The following QPCT variants were observed in gnomAD, a reference collection of about 807,000 sequenced individuals.
QPCT encodes the protein EC.
A neutral mutation model predicts 43.4 loss-of-function variants in QPCT; 44 were observed. The ratio of observed to expected loss-of-function variants is 1.01; its 90% CI spans 0.80 to 1.30. The LOEUF is 1.30. QPCT is among the 50% of genes most tolerant of loss of function. The pLI, the probability that QPCT is intolerant of heterozygous loss-of-function variation, is 0.00. For synonymous variants in QPCT, 168 were observed against 168.4 expected (o/e 1.00, Z 0.02); for missense variants, 526 against 436.5 (o/e 1.21, Z -1.83).
intron 3 of QPCT, among the ~76,000 whole-genome samples, chr2:37,364,644 G>A (rs1672919372): frequency 6.6e-6 from 1 of 152,188 alleles, no homozygotes; most frequent in South Asian, 2.1e-4. Flanking sequence ...GAAAGAGACA[G>A]ATCCCCACTG....
intron 2 of QPCT, among the ~76,000 whole-genome samples, chr2:37,357,911 A>G (rs1672782422): frequency 6.6e-6 from 1 of 151,950 alleles, no homozygotes; most frequent in Admixed American, 6.6e-5. Context: ...CCTCACATTC[A>G]TTTCCAGTTA....
At chr2:37,356,378 G>A (rs1355786854) in intron 2 of QPCT, among the ~76,000 whole-genome samples, 1 of 151,492 alleles carries the variant, frequency 6.6e-6, no homozygotes. Context: ...TTAAAACATA[G>A]ATGTATAGCA....
intron 1 of QPCT, among the ~76,000 whole-genome samples, chr2:37,348,447 GA>G (rs1455723723): frequency 6.6e-6 from 1 of 152,174 alleles, no homozygotes; most frequent in Non-Finnish European, 1.5e-5. Context: ...CACACAGAAG[GA>G]GTTCAGTAAC....
At chr2:37,355,545 T>C (rs575721341) in intron 2 of QPCT, among the ~76,000 whole-genome samples, 3 of 152,304 alleles carry the variant, frequency 2.0e-5, no homozygotes, top group Admixed American at 2.0e-4. Context: ...TAGTTACCAG[T>C]AAAGATGTGC....
chr2:37,347,153 T>TATATATATATAAC (rs1672507712), intron 1 of QPCT, among the ~76,000 whole-genome samples: 1 of 57,108 alleles, frequency 1.8e-5, no homozygotes, highest in African/African-American at 9.1e-5. Context: ...TTTATATATA[T>TATATATATATAAC]ATATATATAT....
chr2:37,367,698 T>A (rs1672989136), intron 4 of QPCT, among the ~76,000 whole-genome samples: 1 of 152,048 alleles, frequency 6.6e-6, no homozygotes, highest in Non-Finnish European at 1.5e-5. Context: ...ATAAGGGGAC[T>A]TCGTCTCTAC....
Position 37,359,663 on chromosome 2 carries a change from C to T in QPCT, c.351C>T (p.Tyr117=), listed in dbSNP as rs1317491264. The T allele has an allele frequency of 2.0e-5, 33 of 1,613,932 alleles. No homozygotes were observed. The highest frequency in any genetic ancestry group is 2.5e-5 in the Non-Finnish European group (30 of 1,179,978). Residue 117 remains tyrosine (Y), a synonymous_variant, in exon 3 of 7, where the codon TAC becomes TAT. Transcript: ENST00000338415. ...TCTTGAGTCAGACACCCTATGGGTACCGGTCTTTCTCAAATATCATCAGCA... is the reference window on the plus strand; with the variant it reads ...TCTTGAGTCAGACACCCTATGGGTATCGGTCTTTCTCAAATATCATCAGCA... ...DTFLSQTPYG[Y]RSFSNIISTL... is the part of the protein sequence containing the mutation.
chr2:37,350,372 C>G (rs1238147156), intron 1 of QPCT, among the ~76,000 whole-genome samples: 1 of 152,214 alleles, frequency 6.6e-6, no homozygotes, highest in African/African-American at 2.4e-5. Context: ...ATTGCTTTGT[C>G]TTTCAGCTTC....
chr2:37,360,833 T>G (rs1672845440), intron 3 of QPCT, among the ~76,000 whole-genome samples: 1 of 152,230 alleles, frequency 6.6e-6, no homozygotes, highest in South Asian at 2.1e-4. Context: ...TGCTTTTAAC[T>G]AGTTTCCTTC....
At chr2:37,369,198 A>C (rs3770743) in intron 4 of QPCT, among the ~76,000 whole-genome samples, 6,750 of 152,280 alleles carry the variant, frequency 0.044, 788 homozygotes, top group East Asian at 0.4. Flanking sequence ...ATCCAGAGAC[A>C]CAATGTTATA....
chr2:37,360,135 G>A, intron 3 of QPCT: 1 of 409,662 alleles, frequency 2.4e-6, no homozygotes, highest in Non-Finnish European at 4.4e-6. Context: ...GAAAAATGAA[G>A]GAGGAAGTTT....
Position 37,367,330 on chromosome 2 carries a change from G to T in QPCT, c.645G>T (p.Gly215=), listed in dbSNP as rs370820929. 82 of 1,613,868 alleles carry T rather than the reference G, an allele frequency of 5.1e-5. No individual in the cohort carries two copies. Among genetic ancestry groups the T allele is most frequent in the Non-Finnish European group, 6.4e-5 (76 of 1,179,968 alleles). Reference sequence around the variant, plus strand: ...GGTCTCCTCAAGATTCTCTCTATGGGTCTCGACACTTAGCTGCAAAGATGG... The same window carrying T: ...GGTCTCCTCAAGATTCTCTCTATGGTTCTCGACACTTAGCTGCAAAGATGG... ...LHWSPQDSLY[G]SRHLAAKMAS... The change falls in exon 4 of 7, where the codon GGG becomes GGT. Residue 215 remains glycine (G), a synonymous_variant. Transcript: ENST00000338415.
At chr2:37,353,203 C>T (rs2124933375) in intron 2 of QPCT, among the ~76,000 whole-genome samples, 2 of 152,332 alleles carry the variant, frequency 1.3e-5, no homozygotes, top group Middle Eastern at 6.8e-3. Flanking sequence ...TTCAATAGCA[C>T]ACCCCGAGGC....
At chr2:37,358,121 A>AG (rs1553385442) in intron 2 of QPCT, among the ~76,000 whole-genome samples, 3 of 150,744 alleles carry the variant, frequency 2.0e-5, no homozygotes, top group Admixed American at 6.6e-5. Context: ...AAAAAAAAAA[A>AG]AAAGAAACAG....
At chr2:37,358,839 AACCTGAACCACCCCCTAGCT>A (rs1672801664) in intron 2 of QPCT, 1 of 152,258 alleles carries the variant, frequency 6.6e-6, no homozygotes, top group African/African-American at 2.4e-5. Flanking sequence ...GGTCTGAAAT[AACCTGAACCACCCCCTAGCT>A]ATGGGAGCTT....
Position 37,352,866 on chromosome 2 carries a change from G to A in QPCT, c.198G>A (p.Trp66Ter), listed in dbSNP as rs368354793. The A allele has an allele frequency of 2.5e-6, 4 of 1,614,030 alleles. No individual in the cohort carries two copies. Among genetic ancestry groups the A allele is most frequent in the Non-Finnish European group, 3.4e-6 (4 of 1,180,038 alleles). ...AAGGCACCAGTATCTCTGAAATGTG[G>A]CAAAATGACTTACAGCCATTGCTGA... Reference protein sequence around the residue: ...IAEGTSISEMWQNDLQPLLIE... With the variant: ...IAEGTSISEM The change falls in exon 2 of 7, where the codon TGG becomes TGA. Residue 66 changes from tryptophan to a stop codon, truncating the protein, a stop_gained. Coordinates refer to ENST00000338415, the MANE Select transcript of QPCT (RefSeq NM_012413.4). LOFTEE classifies it high-confidence loss of function.
At chr2:37,355,805 G>T (rs1206836099) in intron 2 of QPCT, among the ~76,000 whole-genome samples, 1 of 152,096 alleles carries the variant, frequency 6.6e-6, no homozygotes, top group Non-Finnish European at 1.5e-5. Context: ...TCACAAATGG[G>T]CAAGCAATAT....
At chr2:37,348,008 G>A (rs1455441921) in intron 1 of QPCT, among the ~76,000 whole-genome samples, 2 of 151,664 alleles carry the variant, frequency 1.3e-5, no homozygotes, top group Admixed American at 6.6e-5. Context: ...AGAGATAATG[G>A]CTATTAACCA....
intron 1 of QPCT, 141 bp from the exon 2 acceptor site, chr2:37,352,648 A>T: frequency 9.3e-7 from 1 of 1,072,796 alleles, no homozygotes; most frequent in Non-Finnish European, 1.3e-6. Flanking sequence ...GCCCAATTTT[A>T]AAGTTGAGTA....
Sources: allele counts gnomAD v4.1 joint callset (sites outside exome capture counted in the v4.1 genomes callset), GRCh38; gene constraint gnomAD v4.1.1; transcripts MANE v1.5; gene names NCBI Gene and HGNC (gene_info 2026-07-23, HGNC 2026-07-21).